Variants in LRRK2 observed in about 807,000 individuals in gnomAD.
The protein encoded by LRRK2 is leucine rich repeat kinase 2.
In LRRK2, 203 loss-of-function variants were observed where a neutral mutation model predicts 302.6. The ratio of observed to expected loss-of-function variants is 0.67; its 90% CI spans 0.60 to 0.75. The LOEUF is 0.75. Among genes scored for constraint, LRRK2 ranks in the 30% least tolerant of loss-of-function variants. LRRK2 has a pLI of 0.00. For missense variants in LRRK2, 2,830 were observed against 2,951.0 expected, an observed-to-expected ratio of 0.96 and a Z score of 0.95; for synonymous variants, 1,066 against 1,031.9, an observed-to-expected ratio of 1.03 and a Z score of -0.63.
Position 40,235,728 on chromosome 12 carries a change from A to G in LRRK2, c.436+14A>G, listed in dbSNP as rs1941419906. On this transcript the variant is annotated intron_variant, in intron 4 of 50. Coordinates refer to ENST00000298910, the MANE Select transcript of LRRK2 (RefSeq NM_198578.4). ...TCCTAACTTCAGGTAATATGTGTAT[A>G]TGTTTTTTGTGTTGATTCAAATTAA... is the stretch of plus-strand genomic sequence containing the variant. 6.8e-7 allele frequency: 1 copy of G among 1,473,852 alleles called. No individual in the cohort carries two copies. Among genetic ancestry groups the G allele is most frequent in the African/African-American group, 1.4e-5 (1 of 71,520 alleles). The allele number at this position is 1,473,852 out of a possible 1,614,324, so 91.3% of individuals were successfully genotyped here. A position where few individuals can be genotyped will look rare whatever the true frequency, so the allele number is the denominator to read the frequency against.
chr12:40,231,576 CAAA>C (rs71078231), intron 2 of LRRK2, among the ~76,000 whole-genome samples: 20 of 105,884 alleles, frequency 1.9e-4, no homozygotes, highest in South Asian at 2.8e-4. Flanking sequence ...AAAACAAAAC[CAAA>C]AAAAAAAAAA....
intron 40 of LRRK2, among the ~76,000 whole-genome samples, chr12:40,338,247 G>A (rs1945934221): frequency 6.6e-6 from 1 of 152,056 alleles, no homozygotes; most frequent in African/African-American, 2.4e-5. Flanking sequence ...CAATCCTTCT[G>A]GATTGTGACA....
At chr12:40,272,551 C>T (rs952600599) in intron 14 of LRRK2, among the ~76,000 whole-genome samples, 3 of 151,964 alleles carry the variant, frequency 2.0e-5, no homozygotes, top group Non-Finnish European at 2.9e-5. Flanking sequence ...GTTTTGGCAT[C>T]GTTATTGTGG....
rs1941552454 is a variant in LRRK2, at chr12:40,238,088, G to T, written c.556G>T (p.Val186Leu). 6.2e-7 allele frequency: 1 copy of T among 1,613,588 alleles called. No individual in the cohort carries two copies. ...GAAACTTGGATGCAAAGCTTTACAT[G>T]TGCTGTTTGAGAGAGGTATTTTAAA... ...VQKLGCKALHVLFERVSEEQL... is the reference protein window; with the variant it reads ...VQKLGCKALHLLFERVSEEQL... Residue 186 changes from valine to leucine, a missense_variant, in exon 5 of 51, where the codon GTG (valine) becomes TTG (leucine). This residue lies in a region of LRRK2 where 2,121 missense variants were observed against 2,148.0 expected (regional missense o/e 0.99). Coordinates refer to ENST00000298910, the MANE Select transcript of LRRK2 (RefSeq NM_198578.4).
chr12:40,253,008 A>T lies in LRRK2; in HGVS notation c.1280A>T (p.Glu427Val). 1 of 1,608,710 alleles carries T rather than the reference A, an allele frequency of 6.2e-7. No homozygotes were observed. Among genetic ancestry groups the T allele is most frequent in the Non-Finnish European group, 8.5e-7 (1 of 1,175,376 alleles). ...ASANALSTLL[E>V]QNVNFRKILL... The stretch of plus-strand genomic sequence containing the variant: ...GCGAATGCATTGTCAACTCTCTTAG[A>T]ACAAAATGGTAAGCAGTGGGCCATG... Residue 427 changes from glutamate (E) to valine (V), a missense_variant, in exon 11 of 51, where the codon GAA becomes GTA. Around this residue, in one of 3 missense-constraint regions of LRRK2, gnomAD observed 2,121 missense variants for 2,148.0 expected, o/e 0.99. Coordinates refer to ENST00000298910, the MANE Select transcript of LRRK2 (RefSeq NM_198578.4).
At chr12:40,226,403 C>T (rs546981631) in intron 2 of LRRK2, among the ~76,000 whole-genome samples, 1 of 152,288 alleles carries the variant, frequency 6.6e-6, no homozygotes, top group South Asian at 2.1e-4. Flanking sequence ...TTGTCATCTG[C>T]ATGTTAACTC....
chr12:40,226,570 G>C (rs1437114879), intron 2 of LRRK2, among the ~76,000 whole-genome samples: 1 of 152,150 alleles, frequency 6.6e-6, no homozygotes, highest in African/African-American at 2.4e-5. Flanking sequence ...GTATCTAGCT[G>C]TATCTAGTCT....
Position 40,347,026 on chromosome 12 carries a change from AT to A in LRRK2, c.6280+111del, listed in dbSNP as rs11289057. 687,883 of 845,918 alleles carry A rather than the reference AT, an allele frequency of 0.81. 283,806 individuals are homozygous for A. The highest frequency in any genetic ancestry group is 0.85 in the Non-Finnish European group (474,629 of 557,780). 52.4% of individuals were successfully genotyped at this position (845,918 alleles called of 1,614,324 possible). A position where few individuals can be genotyped will look rare whatever the true frequency, so the allele number is the denominator to read the frequency against. On this transcript the variant is annotated intron_variant, in intron 42 of 50. Coordinates refer to ENST00000298910, the MANE Select transcript of LRRK2 (RefSeq NM_198578.4). The stretch of plus-strand genomic sequence containing the variant: ...TGCTTAATTCCTTAAACAGATGATC[AT>A]TTTTTTTGTTTAGTGCATAAATATT...
chr12:40,288,414 C>G (rs972572259), intron 20 of LRRK2, among the ~76,000 whole-genome samples: 1 of 151,754 alleles, frequency 6.6e-6, no homozygotes, highest in Non-Finnish European at 1.5e-5. Context: ...GAAAACATCC[C>G]CTTCCCCTGG....
Position 40,328,379 on chromosome 12 carries a change from A to G in LRRK2, c.5676A>G (p.Ser1892=), listed in dbSNP as rs776961135. The stretch of plus-strand genomic sequence containing the variant: ...CAAAAGGTGATGGCAGTTTTGGATC[A>G]GTTTACCGAGCAGCCTATGAAGGAG... ...EFLLGDGSFG[S]VYRAAYEGEE... The change falls in exon 39 of 51, where the codon TCA becomes TCG. Residue 1892 remains serine, a synonymous_variant. Transcript: ENST00000298910. The G allele has an allele frequency of 1.2e-6, 2 of 1,613,796 alleles. No individual in the cohort carries two copies. Among genetic ancestry groups the G allele is most frequent in the Non-Finnish European group, 8.5e-7 (1 of 1,179,820 alleles).
chr12:40,354,380 C>T lies in LRRK2; in HGVS notation c.6658C>T (p.Gln2220Ter), dbSNP rs1301173169. The part of the protein sequence containing the change: ...EKESWIVSGT[Q>*]SGTLLVINTE... ...GGAAAGCTGGATTGTGTCTGGGACA[C>T]AGTCTGGTACTCTCCTGGTCATCAA... is the stretch of plus-strand genomic sequence containing the variant. Residue 2220 changes from glutamine to a stop codon, truncating the protein, a stop_gained, in exon 45 of 51, where the codon CAG (glutamine) becomes TAG (stop). Transcript: ENST00000298910. LOFTEE classifies it high-confidence loss of function. 6.2e-7 allele frequency: 1 copy of T among 1,614,046 alleles called. No homozygotes were observed. Among genetic ancestry groups the T allele is most frequent in the East Asian group, 2.2e-5 (1 of 44,852 alleles).
In LRRK2 at chr12:40,251,213, T is replaced by C. The variant is rs1210383890; in HGVS notation, c.959-19T>C. 2.1e-6 allele frequency: 3 copies of C among 1,455,232 alleles called. No homozygotes were observed. The Admixed American group carries it at 5.9e-5, about 29-fold the overall frequency. 90.1% of individuals were successfully genotyped at this position (1,455,232 alleles called of 1,614,324 possible). A position where few individuals can be genotyped will look rare whatever the true frequency, so the allele number is the denominator to read the frequency against. Reference sequence around the variant, plus strand: ...ATAATATATATAATGTTTTTATATATTTTTCAATTTTTTTCAAGCTGAGAC... The same window carrying C: ...ATAATATATATAATGTTTTTATATACTTTTCAATTTTTTTCAAGCTGAGAC... On this transcript the variant is annotated intron_variant, in intron 8 of 50. Transcript: ENST00000298910.
intron 45 of LRRK2, among the ~76,000 whole-genome samples, chr12:40,355,511 C>CCCTCCCTCCCTCCCTT (rs1946502215): frequency 4.4e-5 from 2 of 45,544 alleles, no homozygotes; most frequent in Non-Finnish European, 1.3e-4. Context: ...TTCCATCCCT[C>CCCTCCCTCCCTCCCTT]CCTCCCTCCC....
At chr12:40,365,970 T>C (rs774946570) in intron 49 of LRRK2, 1 of 152,012 alleles carries the variant, frequency 6.6e-6, no homozygotes, top group East Asian at 1.9e-4. Flanking sequence ...ACCAAAGTTG[T>C]TGCATTCTCT....
chr12:40,256,719 G>A (rs933592717), intron 11 of LRRK2, among the ~76,000 whole-genome samples: 1 of 152,202 alleles, frequency 6.6e-6, no homozygotes, highest in African/African-American at 2.4e-5. Flanking sequence ...AAGCAACCAA[G>A]CCTTTTACAG....
At chr12:40,230,216 A>G (rs1941113346) in intron 2 of LRRK2, among the ~76,000 whole-genome samples, 1 of 151,144 alleles carries the variant, frequency 6.6e-6, no homozygotes, top group Non-Finnish European at 1.5e-5. Flanking sequence ...ATGACAAAAT[A>G]AAGCAATTTA....
At chr12:40,277,781 A>G (rs2136623295) in intron 16 of LRRK2, 107 bp from the exon 17 acceptor site, 8 of 1,046,954 alleles carry the variant, frequency 7.6e-6, no homozygotes, top group Non-Finnish European at 1.1e-5. Flanking sequence ...CTATAGTTAA[A>G]TGAACATCCT....
At chr12:40,286,893 A>C (rs866101017) in intron 19 of LRRK2, among the ~76,000 whole-genome samples, 12 of 152,228 alleles carry the variant, frequency 7.9e-5, no homozygotes, top group South Asian at 6.2e-4. Flanking sequence ...TCCTTTATTT[A>C]GCAGTTTATG....
At chr12:40,243,787 T>TCAAA in intron 7 of LRRK2, 106 bp downstream of exon 7, 2 of 1,081,298 alleles carry the variant, frequency 1.8e-6, no homozygotes, top group Non-Finnish European at 2.7e-6. Context: ...TGACATACTT[T>TCAAA]GAATGAAAAT....
Sources: gnomAD v4.1 joint callset for allele counts (sites outside exome capture counted in the v4.1 genomes callset) on GRCh38, gnomAD v4.1.1 for gene constraint, gnomAD v4.1.1 regional missense constraint, MANE v1.5 for transcripts, NCBI Gene and HGNC (gene_info 2026-07-23, HGNC 2026-07-21) for gene names.